Variants in NFATC1 observed in about 807,000 individuals in gnomAD.
NFATC1 encodes nuclear factor of activated T cells 1.
In NFATC1, 22 loss-of-function variants were observed where a neutral mutation model predicts 76.0. The observed-to-expected ratio is 0.29, with a 90% CI of 0.21 to 0.41. The LOEUF is 0.41. NFATC1 is among the 10% of genes least tolerant of loss of function. The pLI is 1.00. For missense variants in NFATC1, 1,357 were observed against 1,337.7 expected (o/e 1.01, Z -0.23); for synonymous variants, 704 against 613.1 (o/e 1.15, Z -2.19).
chr18:79,464,672 A>AAG, intron 7 of NFATC1, among the ~76,000 whole-genome samples: 1 of 104,144 alleles, frequency 9.6e-6, no homozygotes, highest in Non-Finnish European at 2.1e-5. Context: ...GTGTGTGTGT[A>AAG]TATGTATGTG....
rs372768753 is a variant in NFATC1 at position 79,527,542 on chromosome 18, C to G, written c.2797C>G (p.Arg933Gly). The G allele has an allele frequency of 1.2e-6, 2 of 1,613,688 alleles. No individual in the cohort carries two copies. Among genetic ancestry groups the G allele is most frequent in the African/African-American group, 2.7e-5 (2 of 74,924 alleles). The change falls in exon 10 of 10, where the codon CGA becomes GGA. Residue 933 changes from arginine (R) to glycine (G), a missense_variant. By Grantham distance (125) the Arg-to-Gly change is moderately radical (BLOSUM62 -2). Around this residue, in one of 3 missense-constraint regions of NFATC1, gnomAD observed 424 missense variants for 395.4 expected, o/e 1.07. Transcript: ENST00000427363. ...TTTTCTTACAGTAAATGAAATAATA[C>G]GAAATGACCTCTCCAGCACGAGCAC... ...LYLDDVNEII[R>G]NDLSSTSTHS is the part of the protein sequence containing the mutation.
At chr18:79,509,774 G>A (rs917129161) in intron 9 of NFATC1, among the ~76,000 whole-genome samples, 3 of 152,370 alleles carry the variant, frequency 2.0e-5, no homozygotes, top group Middle Eastern at 3.4e-3. Context: ...GAGGGAACGC[G>A]AAGCTGGGGA....
At chr18:79,445,196 C>T (rs867103746) in intron 3 of NFATC1, among the ~76,000 whole-genome samples, 5 of 152,344 alleles carry the variant, frequency 3.3e-5, no homozygotes, top group Middle Eastern at 6.8e-3. Flanking sequence ...TTACAAGTAC[C>T]GTGTGCTGTT....
intron 3 of NFATC1, among the ~76,000 whole-genome samples, chr18:79,435,501 G>A (rs996292168): frequency 3.9e-5 from 6 of 152,004 alleles, no homozygotes; most frequent in African/African-American, 1.4e-4. Flanking sequence ...GGCAGCCCTG[G>A]GTTTTAATGG....
intron 3 of NFATC1, among the ~76,000 whole-genome samples, chr18:79,441,159 T>C (rs1280351911): frequency 6.6e-6 from 1 of 152,154 alleles, no homozygotes; most frequent in Non-Finnish European, 1.5e-5. Context: ...CCTGAGGCCA[T>C]GTCCTAGGGA....
intron 9 of NFATC1, among the ~76,000 whole-genome samples, chr18:79,507,778 G>A (rs571116414): frequency 4.3e-4 from 66 of 152,402 alleles, no homozygotes; most frequent in African/African-American, 1.2e-3. Context: ...AATAGTAAAC[G>A]TTAGTGAGCG....
intron 4 of NFATC1, among the ~76,000 whole-genome samples, chr18:79,450,389 CTAATTA>C (rs2087415897): frequency 6.7e-6 from 1 of 148,402 alleles, no homozygotes; most frequent in African/African-American, 2.5e-5. Flanking sequence ...ATAATTTATT[CTAATTA>C]TGATTTATTA....
chr18:79,491,553 G>A (rs902711321), intron 9 of NFATC1, among the ~76,000 whole-genome samples: 1 of 152,210 alleles, frequency 6.6e-6, no homozygotes, highest in African/African-American at 2.4e-5. Context: ...ACAAGGCCAG[G>A]GACCTCCTGG....
chr18:79,412,003 A>G (rs2085708440), intron 2 of NFATC1, among the ~76,000 whole-genome samples: 2 of 152,104 alleles, frequency 1.3e-5, no homozygotes, highest in Admixed American at 6.5e-5. Context: ...TCGGGTGCAG[A>G]TGGGACCGCA....
intron 1 of NFATC1, among the ~76,000 whole-genome samples, chr18:79,404,329 C>G (rs1344967445): frequency 6.6e-6 from 1 of 152,210 alleles, no homozygotes; most frequent in East Asian, 1.9e-4. Context: ...ATCTTTCTCG[C>G]TGGCAGATTG....
At chr18:79,413,567 G>GCTC (rs1240742889) in intron 2 of NFATC1, among the ~76,000 whole-genome samples, 1 of 152,174 alleles carries the variant, frequency 6.6e-6, no homozygotes, top group Non-Finnish European at 1.5e-5. Context: ...GAACTTGATC[G>GCTC]CTCTGTAAAG....
intron 6 of NFATC1, among the ~76,000 whole-genome samples, chr18:79,458,098 G>A (rs553224259): frequency 6.5e-4 from 99 of 152,332 alleles, no homozygotes; most frequent in African/African-American, 1.7e-3. Flanking sequence ...GCCTCGGTGT[G>A]AAAGGGCTGT....
At chr18:79,402,635 G>T (rs1175381464) in intron 1 of NFATC1, among the ~76,000 whole-genome samples, 2 of 152,228 alleles carry the variant, frequency 1.3e-5, no homozygotes, top group African/African-American at 4.8e-5. Flanking sequence ...GAGCAGGAGA[G>T]GCGAGAGCTG....
At chr18:79,468,368 A>C (rs895355431) in intron 8 of NFATC1, 1 of 152,044 alleles carries the variant, frequency 6.6e-6, no homozygotes, top group African/African-American at 2.4e-5. Flanking sequence ...AGTCATCCTG[A>C]ATTTTACTGT....
chr18:79,480,998 A>G (rs1334276305), intron 8 of NFATC1, among the ~76,000 whole-genome samples: 4 of 152,256 alleles, frequency 2.6e-5, no homozygotes, highest in Non-Finnish European at 5.9e-5. Context: ...AGGCTTGGCC[A>G]TTCGGGACAC....
intron 8 of NFATC1, among the ~76,000 whole-genome samples, chr18:79,477,383 G>A (rs2089115957): frequency 6.6e-6 from 1 of 152,240 alleles, no homozygotes; most frequent in South Asian, 2.1e-4. Context: ...GGGGAGCAGG[G>A]AACTGTCTTG....
intron 5 of NFATC1, among the ~76,000 whole-genome samples, 196 bp downstream of exon 5, chr18:79,451,322 T>C (rs992813373): frequency 9.9e-5 from 15 of 152,232 alleles, no homozygotes; most frequent in Non-Finnish European, 1.3e-4. Flanking sequence ...CGGGGGCCCC[T>C]GGCGCTGGCT....
chr18:79,428,592 C>T (rs966057093), intron 2 of NFATC1, among the ~76,000 whole-genome samples: 1 of 152,224 alleles, frequency 6.6e-6, no homozygotes, highest in Non-Finnish European at 1.5e-5. Flanking sequence ...GCCCACAGCC[C>T]AGCAGTACAA....
chr18:79,401,121 G>A (rs1348036728), intron 1 of NFATC1, among the ~76,000 whole-genome samples: 2 of 151,246 alleles, frequency 1.3e-5, no homozygotes, highest in Non-Finnish European at 2.9e-5. Context: ...CACTCCCGAA[G>A]AGCAGCGAGT....
Sources: gnomAD v4.1 joint callset for allele counts (sites outside exome capture counted in the v4.1 genomes callset) on GRCh38, gnomAD v4.1.1 for gene constraint, gnomAD v4.1.1 regional missense constraint, MANE v1.5 for transcripts, NCBI Gene and HGNC (gene_info 2026-07-23, HGNC 2026-07-21) for gene names.